The following BCAR3 variants were observed in gnomAD, a reference collection of about 807,000 sequenced individuals.
The protein encoded by BCAR3 is breast cancer anti-estrogen resistance protein 3.
BCAR3 carries 37 observed loss-of-function variants against 80.1 expected under a neutral mutation model. The ratio of observed to expected loss-of-function variants is 0.46; its 90% CI spans 0.36 to 0.61. BCAR3 has a LOEUF of 0.61. Among genes scored for constraint, BCAR3 ranks in the 20% least tolerant of loss-of-function variants. BCAR3 has a pLI of 0.00. For missense variants in BCAR3, 978 were observed against 1,068.2 expected (o/e 0.92, Z 1.18); for synonymous variants, 389 against 418.9 (o/e 0.93, Z 0.87).
At chr1:93,798,500 A>G (rs546499396) in intron 2 of BCAR3, among the ~76,000 whole-genome samples, 1 of 152,170 alleles carries the variant, frequency 6.6e-6, no homozygotes, top group Non-Finnish European at 1.5e-5. Context: ...GCCATGTTTA[A>G]TAGGATGTCC....
At position 93,616,658 on chromosome 1, in the gene BCAR3, T is replaced by G. The variant is rs552343367; in HGVS notation, c.358-24265A>C. ...CTCACACAGCCCCGTGAAAGGGCTGTGACCTGGGGCAGTGGGCCACTTTCT... is the reference window on the plus strand; with the variant it reads ...CTCACACAGCCCCGTGAAAGGGCTGGGACCTGGGGCAGTGGGCCACTTTCT... On this transcript the variant is annotated intron_variant, in intron 3 of 11. Transcript: ENST00000260502. Among the ~76,000 whole-genome samples, 93 of 152,348 alleles carry G rather than the reference T, an allele frequency of 6.1e-4. 2 individuals carry two copies. Among genetic ancestry groups the G allele is most frequent in the African/African-American group, 2.2e-3 (90 of 41,580 alleles).
At chr1:93,809,844 T>A (rs1250104093) in intron 2 of BCAR3, among the ~76,000 whole-genome samples, 1 of 149,098 alleles carries the variant, frequency 6.7e-6, no homozygotes, top group Non-Finnish European at 1.5e-5. Flanking sequence ...CTCCCAAACA[T>A]TTTTAAGATA....
intron 2 of BCAR3, among the ~76,000 whole-genome samples, chr1:93,668,424 C>T (rs1156623543): frequency 6.6e-6 from 1 of 152,208 alleles, no homozygotes; most frequent in Non-Finnish European, 1.5e-5. Context: ...CTGAGCTCAC[C>T]TCTGACCCAG....
At chr1:93,694,284 G>A (rs1410501249) in intron 3 of BCAR3, among the ~76,000 whole-genome samples, 1 of 152,118 alleles carries the variant, frequency 6.6e-6, no homozygotes, top group African/African-American at 2.4e-5. Context: ...GCCAGCTCCG[G>A]GATCCTGAAA....
chr1:93,589,398 G>A lies in BCAR3; in HGVS notation c.508C>T (p.Arg170Ter), dbSNP rs1320491741. 8 of 1,611,782 alleles carry A rather than the reference G, an allele frequency of 5.0e-6. No homozygotes were observed. In the Admixed American group the frequency reaches 5.0e-5, roughly 10 times the overall value. The change falls in exon 5 of 12, where the codon CGA becomes TGA. Residue 170 changes from arginine (R) to a stop codon, truncating the protein, a stop_gained. Transcript: ENST00000260502. LOFTEE classifies it high-confidence loss of function. ...TCACGAACTAGGAAGTCACCATCTC[G>A]CTGCACAAGGTTTTCAGACACCTTT... ...PRQVSENLVQ[R>*]DGDFLVRDSL...
At chr1:93,631,210 C>T (rs908340728) in intron 3 of BCAR3, among the ~76,000 whole-genome samples, 1 of 152,234 alleles carries the variant, frequency 6.6e-6, no homozygotes, top group Non-Finnish European at 1.5e-5. Flanking sequence ...CCTTCTCCCT[C>T]TACACCTGTG....
chr1:93,615,224 G>A (rs1410969917), intron 3 of BCAR3, among the ~76,000 whole-genome samples: 2 of 152,092 alleles, frequency 1.3e-5, no homozygotes, highest in African/African-American at 4.8e-5. Flanking sequence ...GCATGAGGGA[G>A]GTATGAGAAA....
Position 93,773,638 on chromosome 1 carries a change from T to C in BCAR3, c.-62-67496A>G, listed in dbSNP as rs1652437182. Among the ~76,000 whole-genome samples the C allele has an allele frequency of 2.6e-5, 4 of 152,128 alleles. No homozygotes were observed. In the South Asian group the frequency reaches 8.3e-4, roughly 32 times the overall value. ...GCACAATCAGCTAGTGCCCAGTGCC[T>C]ATAAAGTATAGGACTGGATTTCCAC... On this transcript the variant is annotated intron_variant, in intron 2 of 13. Coordinates refer to the BCAR3 transcript ENST00000370244.
At chr1:93,619,225 C>T (rs971122655) in intron 3 of BCAR3, among the ~76,000 whole-genome samples, 17 of 151,666 alleles carry the variant, frequency 1.1e-4, no homozygotes, top group Non-Finnish European at 1.8e-4. Context: ...GGATTACAGG[C>T]GTGAGCCACT....
intron 3 of BCAR3, among the ~76,000 whole-genome samples, chr1:93,634,270 C>G (rs963536188): frequency 6.6e-6 from 1 of 152,154 alleles, no homozygotes; most frequent in African/African-American, 2.4e-5. Context: ...TGTCCCCACC[C>G]AAATCTCATC....
At chr1:93,667,498 C>T (rs535618635) in intron 2 of BCAR3, among the ~76,000 whole-genome samples, 6 of 152,192 alleles carry the variant, frequency 3.9e-5, no homozygotes, top group Non-Finnish European at 7.3e-5. Context: ...GAACTGAAAC[C>T]TCTGGATTAT....
chr1:93,815,248 T>G (rs1653975134), intron 2 of BCAR3, among the ~76,000 whole-genome samples: 1 of 152,204 alleles, frequency 6.6e-6, no homozygotes, highest in Non-Finnish European at 1.5e-5. Flanking sequence ...TTATATTTAT[T>G]CAGTGCTCTC....
chr1:93,730,509 A>G (rs1022939557), intron 2 of BCAR3, among the ~76,000 whole-genome samples: 4 of 152,168 alleles, frequency 2.6e-5, no homozygotes, highest in Non-Finnish European at 5.9e-5. Flanking sequence ...ACATTTTTGA[A>G]TGACTCTGTG....
chr1:93,845,953 C>G (rs112586439), intron 1 of BCAR3, among the ~76,000 whole-genome samples: 4 of 152,078 alleles, frequency 2.6e-5, no homozygotes, highest in African/African-American at 9.7e-5. Context: ...GTTCTGTCAG[C>G]ATTCATGAAA....
At chr1:93,734,620 AT>A (rs1339873367) in intron 2 of BCAR3, among the ~76,000 whole-genome samples, 1 of 152,156 alleles carries the variant, frequency 6.6e-6, no homozygotes, top group Admixed American at 6.5e-5. Context: ...AGGGCAAACC[AT>A]CTAGTGCAGA....
At chr1:93,583,669 G>A (rs1224286125) in intron 6 of BCAR3, among the ~76,000 whole-genome samples, 1 of 152,148 alleles carries the variant, frequency 6.6e-6, no homozygotes, top group Non-Finnish European at 1.5e-5. Flanking sequence ...AGGCTCATTT[G>A]TCATGAAGAC....
At chr1:93,784,789 T>C (rs975474567) in intron 2 of BCAR3, among the ~76,000 whole-genome samples, 1 of 152,210 alleles carries the variant, frequency 6.6e-6, no homozygotes, top group Admixed American at 6.5e-5. Flanking sequence ...TTCTGAACAG[T>C]GGATGAACAC....
chr1:93,678,130 A>G (rs545112262), intron 1 of BCAR3, among the ~76,000 whole-genome samples: 1 of 152,348 alleles, frequency 6.6e-6, no homozygotes, highest in Non-Finnish European at 1.5e-5. Context: ...CCCAAGCCTC[A>G]GCCCAGAACA....
At chr1:93,818,636 G>C (rs747734556) in intron 2 of BCAR3, among the ~76,000 whole-genome samples, 2 of 152,194 alleles carry the variant, frequency 1.3e-5, no homozygotes, top group Non-Finnish European at 2.9e-5. Context: ...ATTTACTGAG[G>C]ACCAGGCATT....
Sources: allele counts gnomAD v4.1 joint callset (sites outside exome capture counted in the v4.1 genomes callset), GRCh38; gene constraint gnomAD v4.1.1; transcripts MANE v1.5; gene names NCBI Gene and HGNC (gene_info 2026-07-23, HGNC 2026-07-21).